The following AKAP6 variants were observed in gnomAD, a reference collection of about 807,000 sequenced individuals.
AKAP6 encodes A-kinase anchor protein 6.
AKAP6 carries 58 observed loss-of-function variants against 188.5 expected under a neutral mutation model. That is an observed-to-expected ratio of 0.31 (90% CI 0.25 to 0.38). The LOEUF (loss-of-function observed/expected upper bound fraction) is 0.38. Ranked by LOEUF, AKAP6 falls within the 10% of genes least tolerant of loss-of-function variation. The pLI is 1.00. For missense variants in AKAP6, 2,710 were observed against 2,740.0 expected, an observed-to-expected ratio of 0.99 and a Z score of 0.24; for synonymous variants, 989 against 998.6, an observed-to-expected ratio of 0.99 and a Z score of 0.18.
rs146777828 is a variant in AKAP6, at chr14:32,783,939, C to G, written c.3588+10046C>G. Among the ~76,000 whole-genome samples the G allele has an allele frequency of 3.3e-4, 50 of 152,118 alleles. No individual in the cohort carries two copies. The East Asian group carries it at 8.9e-3, about 27-fold the overall frequency. On this transcript the variant is annotated intron_variant, in intron 12 of 13. Transcript: ENST00000280979. The stretch of plus-strand genomic sequence containing the variant: ...GCCACCTTTAAATCAAGTAAATGAA[C>G]AAGACTTTCATAAATACAAATTAAG...
rs538183408 is a variant in AKAP6 at position 32,458,510 on chromosome 14, C to T, written c.324+24693C>T. Among the ~76,000 whole-genome samples the T allele has an allele frequency of 2.6e-5, 4 of 152,044 alleles. No homozygotes were observed. The South Asian group carries it at 6.2e-4, about 24-fold the overall frequency. On this transcript the variant is annotated intron_variant, in intron 2 of 13. Transcript: ENST00000280979. The stretch of plus-strand genomic sequence containing the variant: ...CTATATTATTTGTAATTGTAAATGT[C>T]GCTGAAAGTATTATTAGTAGTCACA...
chr14:32,545,822 CA>C lies in AKAP6; in HGVS notation c.1174del (p.Arg392GlufsTer14), dbSNP rs1883173016. On this transcript the variant is annotated frameshift_variant, in exon 4 of 14. Transcript: ENST00000280979. LOFTEE classifies it high-confidence loss of function. ...NEDSPTQPTL[P>X]KRGLFLKEET... ...GACTCTCCCACGCAGCCTACATTGC[CA>C]AAAAGAGGACTTTTTCTTAAAGAGG... is the stretch of plus-strand genomic sequence containing the variant. 1 of 1,613,794 alleles carries C rather than the reference CA, an allele frequency of 6.2e-7. No individual in the cohort carries two copies. Among genetic ancestry groups the C allele is most frequent in the Non-Finnish European group, 8.5e-7 (1 of 1,179,948 alleles).
intron 3 of AKAP6, among the ~76,000 whole-genome samples, chr14:32,544,740 G>C (rs1883113138): frequency 1.3e-5 from 2 of 152,038 alleles, no homozygotes; most frequent in Admixed American, 6.6e-5. Flanking sequence ...TAACACAACT[G>C]GCTTATTATA....
chr14:32,535,885 T>C, intron 3 of AKAP6, 80 bp downstream of exon 3: 1 of 1,527,318 alleles, frequency 6.5e-7, no homozygotes, highest in South Asian at 1.3e-5. Context: ...AGATGTAGGA[T>C]AGGAATTCTT....
intron 1 of AKAP6, among the ~76,000 whole-genome samples, chr14:32,337,721 C>A (rs552638287): frequency 7.3e-6 from 1 of 137,580 alleles, no homozygotes; most frequent in Non-Finnish European, 1.6e-5. Context: ...ATCCTTCCCC[C>A]CTCCCCCCAC....
intron 12 of AKAP6, among the ~76,000 whole-genome samples, chr14:32,818,843 G>A (rs1427111420): frequency 6.6e-6 from 1 of 152,052 alleles, no homozygotes; most frequent in Non-Finnish European, 1.5e-5. Context: ...GAAAATCTGT[G>A]CTGCTAAATG....
chr14:32,373,766 C>T (rs991616811), intron 1 of AKAP6, among the ~76,000 whole-genome samples: 14 of 152,184 alleles, frequency 9.2e-5, no homozygotes, highest in Non-Finnish European at 8.8e-5. Context: ...ATCTCTTTCA[C>T]TGTCTGTCAT....
intron 1 of AKAP6, chr14:32,433,210 G>A (rs1176296757): frequency 2.9e-6 from 1 of 343,522 alleles, no homozygotes; most frequent in African/African-American, 2.1e-5. Context: ...AAGAAATAAG[G>A]GAAGAATAGA....
chr14:32,794,515 G>A (rs987493958), intron 12 of AKAP6, among the ~76,000 whole-genome samples: 1 of 152,124 alleles, frequency 6.6e-6, no homozygotes, highest in Admixed American at 6.6e-5. Flanking sequence ...AGCTGAGATT[G>A]CATCACTGCA....
chr14:32,440,841 G>A lies in AKAP6; in HGVS notation c.324+7024G>A, dbSNP rs143466771. 3.6e-3 allele frequency among the ~76,000 whole-genome samples: 554 copies of A among 152,256 alleles called. 3 individuals carry two copies. The highest frequency in any genetic ancestry group is 0.012 in the African/African-American group (488 of 41,572). On this transcript the variant is annotated intron_variant, in intron 2 of 13. Transcript: ENST00000280979. ...TTATTTTCCCAAAGCCCAGATTTAT[G>A]GCTGTAATCCTTTTTTTGGTGGATG...
At chr14:32,660,930 C>T (rs1044639445) in intron 7 of AKAP6, among the ~76,000 whole-genome samples, 3 of 95,294 alleles carry the variant, frequency 3.1e-5, no homozygotes, top group Admixed American at 9.6e-5. Context: ...CGCCACCCCC[C>T]CCCCTCCCAA....
chr14:32,809,384 C>G (rs1427659679), intron 12 of AKAP6, among the ~76,000 whole-genome samples: 3 of 152,206 alleles, frequency 2.0e-5, no homozygotes, highest in African/African-American at 4.8e-5. Flanking sequence ...CAATCTGACA[C>G]TTCCTTTTTT....
chr14:32,408,648 A>G (rs1275448131), intron 1 of AKAP6, among the ~76,000 whole-genome samples: 1 of 151,974 alleles, frequency 6.6e-6, no homozygotes, highest in Non-Finnish European at 1.5e-5. Context: ...GTGTGACCTG[A>G]CCTTAGTCTG....
chr14:32,651,325 C>T (rs1888212939), intron 7 of AKAP6, among the ~76,000 whole-genome samples: 1 of 152,102 alleles, frequency 6.6e-6, no homozygotes, highest in African/African-American at 2.4e-5. Context: ...GTTCATCACT[C>T]TTCTAAATTG....
chr14:32,678,493 A>T, intron 8 of AKAP6, 34 bp downstream of exon 8: 1 of 1,608,046 alleles, frequency 6.2e-7, no homozygotes, highest in Non-Finnish European at 8.5e-7. Context: ...TTTTATTCTC[A>T]CTAATCTATT....
chr14:32,584,956 A>G lies in AKAP6; in HGVS notation c.2469+7714A>G, dbSNP rs373756918. On this transcript the variant is annotated intron_variant, in intron 5 of 13. Transcript: ENST00000280979. ...TATTGCCTTAAGAAACAGAGTTACT[A>G]AAAGCTATATTTGAGTAGAAGCATA... Among the ~76,000 whole-genome samples the G allele has an allele frequency of 5.9e-5, 9 of 152,322 alleles. No homozygotes were observed. In the East Asian group the frequency reaches 1.5e-3, roughly 26 times the overall value.
At chr14:32,819,396 A>G (rs2034464183) in intron 12 of AKAP6, among the ~76,000 whole-genome samples, 1 of 152,180 alleles carries the variant, frequency 6.6e-6, no homozygotes, top group South Asian at 2.1e-4. Flanking sequence ...GCTGCAGGTG[A>G]CGCTTTTTCC....
intron 2 of AKAP6, among the ~76,000 whole-genome samples, chr14:32,522,355 A>G (rs1247125172): frequency 2.0e-5 from 3 of 152,192 alleles, no homozygotes; most frequent in Non-Finnish European, 4.4e-5. Flanking sequence ...AATTAAACTA[A>G]AGAGCTTCTG....
intron 12 of AKAP6, among the ~76,000 whole-genome samples, chr14:32,795,751 C>G (rs2033748132): frequency 6.6e-6 from 1 of 152,168 alleles, no homozygotes; most frequent in Non-Finnish European, 1.5e-5. Flanking sequence ...TGTCACCACT[C>G]CTATTCAACA....
Sources: allele counts gnomAD v4.1 joint callset (sites outside exome capture counted in the v4.1 genomes callset), GRCh38; gene constraint gnomAD v4.1.1; transcripts MANE v1.5; gene names NCBI Gene and HGNC (gene_info 2026-07-23, HGNC 2026-07-21).